The following GARS1 variants were observed in gnomAD, a reference collection of about 807,000 sequenced individuals.
GARS1 encodes the protein glycyl-tRNA synthetase 1, also known as glycine--tRNA ligase.
GARS1 carries 46 observed loss-of-function variants against 86.4 expected under a neutral mutation model. That is an observed-to-expected ratio of 0.53 (90% CI 0.42 to 0.68). GARS1 has a LOEUF of 0.68. GARS1 is among the 30% of genes least tolerant of loss of function. The pLI is 0.00. For missense variants in GARS1, 797 were observed against 915.6 expected, an observed-to-expected ratio of 0.87 and a Z score of 1.67; for synonymous variants, 342 against 329.8, an observed-to-expected ratio of 1.04 and a Z score of -0.40.
intron 12 of GARS1, 48 bp from the exon 13 acceptor site, chr7:30,626,186 C>A: frequency 1.7e-6 from 2 of 1,177,374 alleles, no homozygotes; most frequent in Non-Finnish European, 2.5e-6. Flanking sequence ...AATTAAGGCA[C>A]AGGGTGCCTG....
At chr7:30,609,112 A>C (rs566680859) in intron 6 of GARS1, among the ~76,000 whole-genome samples, 1 of 152,304 alleles carries the variant, frequency 6.6e-6, no homozygotes, top group South Asian at 2.1e-4. Flanking sequence ...TTAATATCTA[A>C]TGGGAAAGGA....
At chr7:30,630,491 C>A (rs1030272771) in intron 14 of GARS1, among the ~76,000 whole-genome samples, 2 of 148,530 alleles carry the variant, frequency 1.3e-5, no homozygotes, top group African/African-American at 4.9e-5. Flanking sequence ...ATTGGTTTGC[C>A]TTCCACAGAA....
chr7:30,622,551 T>C (rs1435534488), intron 12 of GARS1, 89 bp downstream of exon 12: 29 of 1,525,532 alleles, frequency 1.9e-5, no homozygotes, highest in Non-Finnish European at 2.6e-5. Flanking sequence ...TTTCTTAAGA[T>C]TTTTTGCAGG....
Position 30,617,152 on chromosome 7 carries a change from C to A in GARS1, c.1233C>A (p.Gly411=). Residue 411 remains glycine, a synonymous_variant, in exon 10 of 17, where the codon GGC becomes GGA. Coordinates refer to ENST00000389266, the MANE Select transcript of GARS1 (RefSeq NM_002047.4). ...INNTVLGYFI[G]RIYLYLTKVG... ...ACACAGTATTAGGCTATTTCATTGG[C>A]CGCATCTACCTCTACCTCACGAAGG... The A allele has an allele frequency of 1.2e-6, 2 of 1,614,056 alleles. No homozygotes were observed. Among genetic ancestry groups the A allele is most frequent in the Middle Eastern group, 1.7e-4 (1 of 6,058 alleles).
intron 11 of GARS1, 77 bp downstream of exon 11, chr7:30,621,577 C>G (rs1783008047): frequency 9.8e-7 from 1 of 1,025,190 alleles, no homozygotes; most frequent in Non-Finnish European, 1.6e-6. Context: ...AAGTCTTTAC[C>G]TTGTTCTATG....
chr7:30,604,783 A>T (rs537055601), intron 6 of GARS1, among the ~76,000 whole-genome samples: 1 of 152,250 alleles, frequency 6.6e-6, no homozygotes. Context: ...ATCCAAAGGC[A>T]TGCCCTTTAT....
intron 10 of GARS1, among the ~76,000 whole-genome samples, chr7:30,618,711 G>A (rs912271651): frequency 3.3e-5 from 5 of 152,126 alleles, no homozygotes; most frequent in Non-Finnish European, 5.9e-5. Flanking sequence ...ATTTTTCTAC[G>A]TGTTCTAACA....
chr7:30,618,933 G>C (rs780747246), intron 10 of GARS1, among the ~76,000 whole-genome samples: 4 of 152,096 alleles, frequency 2.6e-5, no homozygotes, highest in Admixed American at 6.5e-5. Flanking sequence ...ACACTTTTTA[G>C]ATTTTCTGGG....
At position 30,621,058 on chromosome 7, in the gene GARS1, T is replaced by C. The variant is rs113343841; in HGVS notation, c.1360-335T>C. Among the ~76,000 whole-genome samples, 2,254 of 150,756 alleles carry C rather than the reference T, an allele frequency of 0.015. 60 individuals carry two copies. Among genetic ancestry groups the C allele is most frequent in the African/African-American group, 0.05 (2,081 of 41,278 alleles). On this transcript the variant is annotated intron_variant, in intron 10 of 16. Transcript: ENST00000389266. Reference sequence around the variant, plus strand: ...GAATTATATATTTTTTTCTTTCTTTTTTTTTTTTTTTTTAAGATAGGGTCT... The same window carrying C: ...GAATTATATATTTTTTTCTTTCTTTCTTTTTTTTTTTTTAAGATAGGGTCT...
rs1366562818 is a variant in GARS1 at position 30,608,287 on chromosome 7, T to G, written c.736-1298T>G. Among the ~76,000 whole-genome samples the G allele has an allele frequency of 2.6e-5, 4 of 152,252 alleles. No homozygotes were observed. The South Asian group carries it at 6.2e-4, about 24-fold the overall frequency. Reference sequence around the variant, plus strand: ...CCAGGGGTTTTGCTTTCTATCTGTATTGGCAGAATCTTTTTCCTCCTGATT... The same window carrying G: ...CCAGGGGTTTTGCTTTCTATCTGTAGTGGCAGAATCTTTTTCCTCCTGATT... On this transcript the variant is annotated intron_variant, in intron 6 of 16. Transcript: ENST00000389266.
At chr7:30,629,407 C>T (rs900822947) in intron 14 of GARS1, among the ~76,000 whole-genome samples, 1 of 152,126 alleles carries the variant, frequency 6.6e-6, no homozygotes, top group African/African-American at 2.4e-5. Context: ...CCTTGCCTTA[C>T]TTCACCATTT....
At chr7:30,611,973 C>T in intron 7 of GARS1, 123 bp from the exon 8 acceptor site, 1 of 857,070 alleles carries the variant, frequency 1.2e-6, no homozygotes. Flanking sequence ...CATTTTAGGG[C>T]CTGTTCAACT....
Position 30,631,524 on chromosome 7 carries a change from C to T in GARS1, c.1886C>T (p.Pro629Leu). 6.2e-7 allele frequency: 1 copy of T among 1,612,402 alleles called. No homozygotes were observed. The highest frequency in any genetic ancestry group is 8.5e-7 in the Non-Finnish European group (1 of 1,178,608). The change falls in exon 15 of 17, where the codon CCA becomes CTA. Residue 629 changes from proline to leucine, a missense_variant. This residue lies in a region of GARS1 where 598 missense variants were observed against 738.7 expected (regional missense o/e 0.81). Coordinates refer to ENST00000389266, the MANE Select transcript of GARS1 (RefSeq NM_002047.4). ...LPLSQNQEFMPFVKELSEALT... is the reference protein window; with the variant it reads ...LPLSQNQEFMLFVKELSEALT... ...CTGAGCCAAAACCAGGAGTTCATGCCATTTGTCAAGGAATTATGTAAGCAA... is the reference window on the plus strand; with the variant it reads ...CTGAGCCAAAACCAGGAGTTCATGCTATTTGTCAAGGAATTATGTAAGCAA...
chr7:30,632,417 A>G lies in GARS1; in HGVS notation c.2074A>G (p.Met692Val), dbSNP rs1407916462. 8 of 1,614,054 alleles carry G rather than the reference A, an allele frequency of 5.0e-6. No individual in the cohort carries two copies. The highest frequency in any genetic ancestry group is 2.7e-5 in the African/African-American group (2 of 74,940). The part of the protein sequence containing the change: ...HTATLRDRDS[M>V]RQIRAEISEL... ...TGCAACTCTGAGGGACCGTGACTCA[A>G]TGCGGCAGATAAGAGCAGAGGTATC... The change falls in exon 16 of 17, where the codon ATG (methionine) becomes GTG (valine). Residue 692 changes from methionine (M) to valine (V), a missense_variant. Coordinates refer to ENST00000389266, the MANE Select transcript of GARS1 (RefSeq NM_002047.4). This position sits in a 1 kb window ranked among gnomAD's most constrained non-coding sequence, Gnocchi z 4.1.
rs1377267671 is a variant in GARS1 at position 30,632,364 on chromosome 7, T to C, written c.2021T>C (p.Phe674Ser). Residue 674 changes from phenylalanine (F) to serine (S), a missense_variant, in exon 16 of 17, where the codon TTT (phenylalanine) becomes TCT (serine). By Grantham distance (155) the Phe-to-Ser change is radical (BLOSUM62 -2). Around this residue, in one of 2 missense-constraint regions of GARS1, gnomAD observed 598 missense variants for 738.7 expected, o/e 0.81. Coordinates refer to ENST00000389266, the MANE Select transcript of GARS1 (RefSeq NM_002047.4). This position sits in a 1 kb window ranked among gnomAD's most constrained non-coding sequence, Gnocchi z 4.1. ...IGVAFGVTID[F>S]DTVNKTPHTA... ...GTGGCTTTTGGTGTCACCATTGACT[T>C]TGACACAGTGAACAAGACCCCCCAC... 1 of 1,614,144 alleles carries C rather than the reference T, an allele frequency of 6.2e-7. No individual in the cohort carries two copies. The highest frequency in any genetic ancestry group is 2.2e-5 in the East Asian group (1 of 44,876).
rs1418015301 is a variant in GARS1, at chr7:30,595,075, C to T, written c.154C>T (p.Arg52Trp). The change falls in exon 1 of 17, where the codon CGG becomes TGG. Residue 52 changes from arginine to tryptophan, a missense_variant. Transcript: ENST00000389266. The stretch of plus-strand genomic sequence containing the variant: ...GATCTCCTTGCCCGCCGCCGCCTCC[C>T]GGAGCAGCATGGACGGCGCGGGGGC... ...PPISLPAAAS[R>W]SSMDGAGAEE... The T allele has an allele frequency of 2.6e-6, 4 of 1,549,226 alleles. No individual in the cohort carries two copies. The highest frequency in any genetic ancestry group is 2.6e-6 in the Non-Finnish European group (3 of 1,153,244).
chr7:30,633,182 A>G (rs1783272127), intron 16 of GARS1, among the ~76,000 whole-genome samples: 1 of 152,214 alleles, frequency 6.6e-6, no homozygotes, highest in Non-Finnish European at 1.5e-5. Context: ...GGTTCTCAAA[A>G]GTGTGGTCCC....
At chr7:30,615,691 T>C (rs964965000) in intron 8 of GARS1, among the ~76,000 whole-genome samples, 9 of 152,148 alleles carry the variant, frequency 5.9e-5, no homozygotes, top group Non-Finnish European at 1.2e-4. Context: ...ATCAAAAAAA[T>C]AAAAATAACA....
chr7:30,603,223 C>G (rs1791416153), intron 5 of GARS1, 101 bp downstream of exon 5: 2 of 955,896 alleles, frequency 2.1e-6, no homozygotes, highest in Non-Finnish European at 3.4e-6. Flanking sequence ...GCATAACATT[C>G]AAAGAGCAAA....
Sources: allele counts gnomAD v4.1 joint callset (sites outside exome capture counted in the v4.1 genomes callset), GRCh38; gene constraint gnomAD v4.1.1; regional missense constraint gnomAD v4.1.1; non-coding constraint Gnocchi (gnomAD v3.1); transcripts MANE v1.5; gene names NCBI Gene and HGNC (gene_info 2026-07-23, HGNC 2026-07-21).